PHKA2: variants seen among roughly 807,000 people sequenced by gnomAD.
PHKA2 encodes the protein phosphorylase kinase regulatory subunit alpha 2.
A neutral mutation model predicts 102.0 loss-of-function variants in PHKA2; 31 were observed. The ratio of observed to expected loss-of-function variants is 0.30; its 90% confidence interval spans 0.23 to 0.41. PHKA2 has a LOEUF of 0.41. PHKA2 is among the 10% of genes least tolerant of loss of function. The pLI is 1.00. For missense variants in PHKA2, 858 were observed against 1,023.1 expected, an observed-to-expected ratio of 0.84 and a Z score of 2.20; for synonymous variants, 455 against 416.2, an observed-to-expected ratio of 1.09 and a Z score of -1.13.
chrX:18,974,026 C>T (rs1399668048), intron 1 of PHKA2, among the ~76,000 whole-genome samples: 1 of 111,151 alleles, frequency 9.0e-6, no homozygotes, highest in Non-Finnish European at 1.9e-5. Flanking sequence ...CAAAAGGGAA[C>T]ATGGTGCTGG....
intron 1 of PHKA2, among the ~76,000 whole-genome samples, chrX:18,968,149 T>C: frequency 8.9e-6 from 1 of 111,735 alleles, no homozygotes; most frequent in Middle Eastern, 4.6e-3. Context: ...TCCCAGCACT[T>C]TGGAAGGCTG....
chrX:18,944,907 CT>C (rs1379665653), intron 6 of PHKA2, among the ~76,000 whole-genome samples, 170 bp downstream of exon 6: 3 of 112,532 alleles, frequency 2.7e-5, no homozygotes, highest in Non-Finnish European at 5.6e-5. Flanking sequence ...AACCTACCTT[CT>C]TTACCTAGAA....
chrX:18,959,109 G>A (rs1020443901), intron 1 of PHKA2, among the ~76,000 whole-genome samples: 9 of 112,163 alleles, frequency 8.0e-5, no homozygotes, highest in Non-Finnish European at 1.5e-4. Flanking sequence ...TCAAACTGCC[G>A]TGTTCAAAGC....
At position 18,983,837 on chromosome X, in the gene PHKA2, G is replaced by C. The variant is rs1258913322; in HGVS notation, c.78+18C>G. On this transcript the variant is annotated intron_variant, in intron 1 of 32. Coordinates refer to ENST00000379942, the MANE Select transcript of PHKA2 (RefSeq NM_000292.3). ...AGAGGGTAGTTCCACGCGTTCCCTGGGGGCGGTCCCTCCTTACCTGGTAAC... is the reference window on the plus strand; with the variant it reads ...AGAGGGTAGTTCCACGCGTTCCCTGCGGGCGGTCCCTCCTTACCTGGTAAC... The C allele has an allele frequency of 5.9e-6, 7 of 1,188,617 alleles. No individual in the cohort carries two copies. The highest frequency in any genetic ancestry group is 8.0e-6 in the Non-Finnish European group (7 of 875,083).
chrX:18,912,251 T>C (rs896539364), intron 19 of PHKA2, among the ~76,000 whole-genome samples: 1 of 112,225 alleles, frequency 8.9e-6, no homozygotes, highest in Non-Finnish European at 1.9e-5. Context: ...ATGACAGGGA[T>C]ACATTCTGAG....
chrX:18,981,754 G>A (rs1041485301), intron 1 of PHKA2, among the ~76,000 whole-genome samples: 1 of 111,141 alleles, frequency 9.0e-6, no homozygotes, highest in Non-Finnish European at 1.9e-5. Flanking sequence ...CAAACGTGTG[G>A]CCTCTATCAA....
intron 13 of PHKA2, among the ~76,000 whole-genome samples, chrX:18,928,995 G>A (rs191642196): frequency 8.9e-6 from 1 of 112,695 alleles, no homozygotes; most frequent in African/African-American, 3.2e-5. Context: ...TTGCAATCAA[G>A]GTTTATATTC....
chrX:18,912,938 G>T (rs753706975), intron 19 of PHKA2, among the ~76,000 whole-genome samples: 18 of 110,546 alleles, frequency 1.6e-4, no homozygotes, highest in Non-Finnish European at 3.0e-4. Context: ...AATGAGCCGG[G>T]TGTGATGGTG....
At chrX:18,897,639 C>A in intron 29 of PHKA2, 1 of 327,549 alleles carries the variant, frequency 3.1e-6, no homozygotes, top group South Asian at 4.9e-5. Context: ...GGTCAGACTG[C>A]CGGAGTGCTA....
chrX:18,899,128 C>A, intron 29 of PHKA2, 45 bp downstream of exon 29: 2 of 1,109,406 alleles, frequency 1.8e-6, no homozygotes, highest in Non-Finnish European at 2.5e-6. Flanking sequence ...AGGAAGGACG[C>A]GAGGAGGAGC....
intron 13 of PHKA2, among the ~76,000 whole-genome samples, chrX:18,929,016 T>C (rs759334005): frequency 8.9e-6 from 1 of 112,776 alleles, no homozygotes; most frequent in Non-Finnish European, 1.9e-5. Flanking sequence ...AAGACAACAA[T>C]TGCTTTGTAG....
intron 30 of PHKA2, 68 bp from the exon 31 acceptor site, chrX:18,895,259 G>C (rs1053520572): frequency 6.0e-5 from 57 of 946,618 alleles, no homozygotes; most frequent in East Asian, 3.4e-4. Context: ...TGCACACACA[G>C]GCGTGCATGC....
intron 11 of PHKA2, among the ~76,000 whole-genome samples, chrX:18,935,707 A>AT (rs1178182418): frequency 4.6e-5 from 5 of 108,919 alleles, no homozygotes; most frequent in Non-Finnish European, 7.6e-5. Context: ...GGTTCAAGCA[A>AT]TTCTCCTGCC....
intron 1 of PHKA2, among the ~76,000 whole-genome samples, chrX:18,977,387 G>A (rs893098855): frequency 6.3e-5 from 7 of 111,903 alleles, no homozygotes; most frequent in Non-Finnish European, 1.3e-4. Context: ...GGTTCAGTGC[G>A]GAATTCTATG....
At chrX:18,981,402 TC>T (rs942336198) in intron 1 of PHKA2, among the ~76,000 whole-genome samples, 4 of 111,747 alleles carry the variant, frequency 3.6e-5, no homozygotes, top group Non-Finnish European at 7.5e-5. Context: ...TTTTTTTTAA[TC>T]ATTAAAATGT....
chrX:18,931,599 C>T, intron 12 of PHKA2, 42 bp downstream of exon 12: 1 of 957,729 alleles, frequency 1.0e-6, no homozygotes, highest in African/African-American at 1.9e-5. Flanking sequence ...CCTGAACCTC[C>T]AATCACATGG....
intron 1 of PHKA2, among the ~76,000 whole-genome samples, chrX:18,966,007 C>T (rs2048935350): frequency 9.2e-6 from 1 of 108,564 alleles, no homozygotes; most frequent in Admixed American, 9.9e-5. Flanking sequence ...ACAGTGCTTA[C>T]ACAGGGCTGT....
rs773972368 is a variant in PHKA2, at chrX:18,956,306, AGAGT to A, written c.79-1898_79-1895del. Among the ~76,000 whole-genome samples the A allele has an allele frequency of 1.5e-4, 17 of 111,836 alleles. 1 individual carries two copies. The highest frequency in any genetic ancestry group is 3.2e-4 in the Non-Finnish European group (17 of 53,181). On this transcript the variant is annotated intron_variant, in intron 1 of 32. Coordinates refer to ENST00000379942, the MANE Select transcript of PHKA2 (RefSeq NM_000292.3). ...GCCACTGCACTCCAGCCTGGGTGAC[AGAGT>A]GAGAGTTTGTCTCAAAAACAACAAC...
intron 1 of PHKA2, among the ~76,000 whole-genome samples, chrX:18,981,015 G>A (rs1030806621): frequency 8.9e-6 from 1 of 111,877 alleles, no homozygotes; most frequent in African/African-American, 3.2e-5. Flanking sequence ...CAAAGCTACA[G>A]CAGGTGGGGA....
Sources: allele counts gnomAD v4.1 joint callset (sites outside exome capture counted in the v4.1 genomes callset), GRCh38; gene constraint gnomAD v4.1.1; transcripts MANE v1.5; gene names NCBI Gene and HGNC (gene_info 2026-07-23, HGNC 2026-07-21).